Variants in C12orf75 observed in about 807,000 individuals in gnomAD.
The protein encoded by C12orf75 is chromosome 12 open reading frame 75, also known as overexpressed in colon carcinoma 1 protein.
A neutral mutation model predicts 11.4 loss-of-function variants in C12orf75; 4 were observed. The ratio of observed to expected loss-of-function variants is 0.35; its 90% CI spans 0.17 to 0.80. The LOEUF is 0.80. Among genes scored for constraint, C12orf75 ranks in the 30% least tolerant of loss-of-function variants. The pLI is 0.52. For synonymous variants in C12orf75, 30 were observed against 30.0 expected (o/e 1.00, Z 0.00); for missense variants, 89 against 80.4 (o/e 1.11, Z -0.41).
chr12:105,340,947 A>G (rs963696302), intron 1 of C12orf75, among the ~76,000 whole-genome samples: 1 of 152,198 alleles, frequency 6.6e-6, no homozygotes, highest in Admixed American at 6.5e-5. Context: ...TGCTTCCCTA[A>G]GGCCTCTGGA....
chr12:105,368,010 T>C (rs1871526523), intron 5 of C12orf75, among the ~76,000 whole-genome samples: 1 of 152,170 alleles, frequency 6.6e-6, no homozygotes, highest in South Asian at 2.1e-4. Context: ...TGAACAGAGA[T>C]GTAGTTATGC....
At chr12:105,360,965 G>A (rs1332807172) in intron 2 of C12orf75, among the ~76,000 whole-genome samples, 2 of 152,096 alleles carry the variant, frequency 1.3e-5, no homozygotes, top group African/African-American at 2.4e-5. Context: ...TAGTAGAGAC[G>A]GGGTTTCTTC....
chr12:105,361,714 G>A (rs1892868361), intron 2 of C12orf75, among the ~76,000 whole-genome samples: 1 of 152,154 alleles, frequency 6.6e-6, no homozygotes, highest in African/African-American at 2.4e-5. Flanking sequence ...TGCAGGTGGG[G>A]CAGGACCACA....
At chr12:105,343,244 G>A (rs1303713843) in intron 1 of C12orf75, among the ~76,000 whole-genome samples, 2 of 151,936 alleles carry the variant, frequency 1.3e-5, no homozygotes, top group Non-Finnish European at 2.9e-5. Flanking sequence ...TTCCCCACAA[G>A]AAACATTGTT....
At chr12:105,334,223 T>A (rs1892472558) in intron 1 of C12orf75, among the ~76,000 whole-genome samples, 1 of 152,248 alleles carries the variant, frequency 6.6e-6, no homozygotes, top group Admixed American at 6.5e-5. Context: ...TGGGACCTCC[T>A]CTGCTGGGAA....
chr12:105,348,737 A>G (rs549660053), intron 2 of C12orf75, 111 bp downstream of exon 2: 17 of 655,848 alleles, frequency 2.6e-5, no homozygotes, highest in Admixed American at 1.6e-4. Context: ...ACATGGAAAT[A>G]CTTTGTGTAT....
At chr12:105,348,710 TG>T (rs2136145211) in intron 2 of C12orf75, 84 bp downstream of exon 2, 1 of 844,106 alleles carries the variant, frequency 1.2e-6, no homozygotes, top group African/African-American at 1.7e-5. Flanking sequence ...TAGATCTCTG[TG>T]GGTATGGCTG....
chr12:105,370,691 A>G lies in C12orf75; in HGVS notation c.*91A>G, dbSNP rs751871790. On this transcript the variant is annotated 3_prime_UTR_variant, in exon 6 of 6. Coordinates refer to ENST00000443585, the MANE Select transcript of C12orf75 (RefSeq NM_001145199.2). ...GTGGGACGTTGTAATGTGCACAGAC[A>G]TTTCCAAGGAAATTCTAAACAGTCA... 4.6e-5 allele frequency: 21 copies of G among 457,504 alleles called. No individual in the cohort carries two copies. Among genetic ancestry groups the G allele is most frequent in the Non-Finnish European group, 7.1e-5 (16 of 226,810 alleles). The allele number at this position is 457,504 out of a possible 1,614,324, so 28.3% of individuals were successfully genotyped here.
chr12:105,355,461 C>T (rs916928325), intron 2 of C12orf75, among the ~76,000 whole-genome samples: 1 of 152,160 alleles, frequency 6.6e-6, no homozygotes, highest in Non-Finnish European at 1.5e-5. Context: ...TGCCACTGCA[C>T]GTGGCCATTT....
intron 2 of C12orf75, among the ~76,000 whole-genome samples, chr12:105,358,285 G>A (rs374173375): frequency 6.6e-6 from 1 of 152,218 alleles, no homozygotes; most frequent in East Asian, 1.9e-4. Context: ...GGAGGCTAAG[G>A]TGGGAGGATC....
chr12:105,367,515 G>T lies in C12orf75; in HGVS notation c.*33+6G>T. On this transcript the variant is annotated splice_donor_region_variant and intron_variant, in intron 5 of 5. Coordinates refer to ENST00000443585, the MANE Select transcript of C12orf75 (RefSeq NM_001145199.2). ...CATGACTCAAGAATCAAGAGGTGCT[G>T]TATATTTTTCTAAATAATTCTATAT... 1.3e-6 allele frequency: 1 copy of T among 761,724 alleles called. No homozygotes were observed. Among genetic ancestry groups the T allele is most frequent in the Non-Finnish European group, 2.1e-6 (1 of 482,752 alleles). The allele number at this position is 761,724 out of a possible 1,614,324, so 47.2% of individuals were successfully genotyped here. A position where few individuals can be genotyped will look rare whatever the true frequency, so the allele number is the denominator to read the frequency against.
chr12:105,365,881 T>C lies in C12orf75; in HGVS notation c.107+39T>C, dbSNP rs76132902. The stretch of plus-strand genomic sequence containing the variant: ...TGCAGCTGGCTTTAGTTTGAATGGT[T>C]TTGGCCATACCTCATGGATTTAACA... On this transcript the variant is annotated intron_variant, in intron 3 of 5. Coordinates refer to ENST00000443585, the MANE Select transcript of C12orf75 (RefSeq NM_001145199.2). The C allele has an allele frequency of 1.4e-3, 1,897 of 1,391,064 alleles. 27 individuals carry two copies. In the African/African-American group the frequency reaches 0.025, roughly 18 times the overall value. 86.2% of individuals were successfully genotyped at this position (1,391,064 alleles called of 1,614,324 possible).
chr12:105,351,851 G>T (rs1437236393), intron 2 of C12orf75, among the ~76,000 whole-genome samples: 2 of 151,176 alleles, frequency 1.3e-5, no homozygotes, highest in African/African-American at 4.9e-5. Flanking sequence ...AATCGTGCTT[G>T]TTTTTTTTTA....
chr12:105,351,230 A>AT lies in C12orf75; in HGVS notation c.71+2613dup, dbSNP rs947432469. ...TAATTTTTTTATTATGCACATTAAA[A>AT]TTTTTTTTTAAAATCTAAACAGACT... On this transcript the variant is annotated intron_variant, in intron 2 of 5. Transcript: ENST00000443585. Among the ~76,000 whole-genome samples, 9 of 152,016 alleles carry AT rather than the reference A, an allele frequency of 5.9e-5. No homozygotes were observed. The East Asian group carries it at 7.7e-4, about 13-fold the overall frequency.
chr12:105,344,581 A>G (rs771771675), intron 1 of C12orf75, among the ~76,000 whole-genome samples: 3 of 152,114 alleles, frequency 2.0e-5, no homozygotes, highest in African/African-American at 7.2e-5. Flanking sequence ...TGTCTCTACT[A>G]AAAATACAAA....
intron 2 of C12orf75, among the ~76,000 whole-genome samples, chr12:105,354,788 G>C (rs1391589794): frequency 1.3e-5 from 2 of 152,110 alleles, no homozygotes; most frequent in African/African-American, 4.8e-5. Flanking sequence ...ATTCATCCAG[G>C]GATGGAGAGG....
chr12:105,346,838 T>G (rs903639263), intron 1 of C12orf75, among the ~76,000 whole-genome samples: 2 of 152,244 alleles, frequency 1.3e-5, no homozygotes, highest in African/African-American at 2.4e-5. Context: ...TCTTCCTTTA[T>G]TTTTACACCT....
At chr12:105,357,847 G>C (rs574201316) in intron 2 of C12orf75, among the ~76,000 whole-genome samples, 2 of 151,260 alleles carry the variant, frequency 1.3e-5, no homozygotes, top group African/African-American at 4.9e-5. Context: ...GAGAGAGACA[G>C]ACAGACAGAC....
intron 1 of C12orf75, among the ~76,000 whole-genome samples, chr12:105,334,931 A>G (rs1057055742): frequency 2.6e-5 from 4 of 152,252 alleles, no homozygotes; most frequent in Non-Finnish European, 5.9e-5. Context: ...AAGTTTGGAT[A>G]GTTCCCCATA....
Sources: gnomAD v4.1 joint callset for allele counts (sites outside exome capture counted in the v4.1 genomes callset) on GRCh38, gnomAD v4.1.1 for gene constraint, MANE v1.5 for transcripts, NCBI Gene and HGNC (gene_info 2026-07-23, HGNC 2026-07-21) for gene names.